Variants in PCSK2 observed in about 807,000 individuals in gnomAD.
PCSK2 encodes proprotein convertase subtilisin/kexin type 2.
A neutral mutation model predicts 69.7 loss-of-function variants in PCSK2; 14 were observed. That is an observed-to-expected ratio of 0.20 (90% CI 0.13 to 0.31). The LOEUF is 0.31. PCSK2 is among the 10% of genes least tolerant of loss of function. The pLI, the probability that PCSK2 is intolerant of heterozygous loss-of-function variation, is 1.00. For missense variants in PCSK2, 544 were observed against 842.5 expected, an observed-to-expected ratio of 0.65 and a Z score of 4.39; for synonymous variants, 307 against 320.7, an observed-to-expected ratio of 0.96 and a Z score of 0.46.
chr20:17,227,276 C>T lies in PCSK2; in HGVS notation c.-30C>T. The T allele has an allele frequency of 6.2e-7, 1 of 1,602,646 alleles. No homozygotes were observed. Among genetic ancestry groups the T allele is most frequent in the African/African-American group, 1.3e-5 (1 of 74,788 alleles). On this transcript the variant is annotated 5_prime_UTR_variant, in exon 1 of 12. Transcript: ENST00000262545. ...CCCTGCTCCGCCAGCCTGCGCGCCT[C>T]CTAGCACCACTTTTCACTCCCAAAG... is the stretch of plus-strand genomic sequence containing the variant.
chr20:17,287,676 G>A (rs1332913543), intron 2 of PCSK2, among the ~76,000 whole-genome samples: 2 of 152,190 alleles, frequency 1.3e-5, no homozygotes, highest in Non-Finnish European at 2.9e-5. Flanking sequence ...AGTCAGCAGT[G>A]CCATTAGCAA....
At chr20:17,410,138 A>C (rs999865440) in intron 6 of PCSK2, among the ~76,000 whole-genome samples, 1 of 149,924 alleles carries the variant, frequency 6.7e-6, no homozygotes, top group Non-Finnish European at 1.5e-5. Context: ...TTTTTTTTTT[A>C]TTTCTCATGG....
intron 5 of PCSK2, among the ~76,000 whole-genome samples, chr20:17,371,292 G>A (rs1253766266): frequency 6.6e-6 from 1 of 152,120 alleles, no homozygotes; most frequent in Non-Finnish European, 1.5e-5. Context: ...TGCCAGATTC[G>A]AAAAAGATAG....
At chr20:17,437,427 A>G (rs1233657105) in intron 8 of PCSK2, among the ~76,000 whole-genome samples, 1 of 152,124 alleles carries the variant, frequency 6.6e-6, no homozygotes, top group African/African-American at 2.4e-5. Context: ...AGAGCCTCCA[A>G]AGGGATGAGA....
intron 2 of PCSK2, among the ~76,000 whole-genome samples, chr20:17,341,643 C>T (rs1990512854): frequency 6.6e-6 from 1 of 152,184 alleles, no homozygotes; most frequent in Admixed American, 6.5e-5. Flanking sequence ...AGCAGATGGA[C>T]TATGAGTTCT....
At chr20:17,269,637 G>T (rs1987781485) in intron 2 of PCSK2, among the ~76,000 whole-genome samples, 1 of 152,130 alleles carries the variant, frequency 6.6e-6, no homozygotes, top group Non-Finnish European at 1.5e-5. Context: ...CTTTAAAGCA[G>T]CAGGAGGTCA....
chr20:17,293,269 A>C (rs757826118), intron 2 of PCSK2, among the ~76,000 whole-genome samples: 4 of 152,248 alleles, frequency 2.6e-5, no homozygotes, highest in Non-Finnish European at 5.9e-5. Flanking sequence ...AGAAACTCTC[A>C]TAAAGAATAA....
At chr20:17,310,894 C>G (rs555910412) in intron 2 of PCSK2, among the ~76,000 whole-genome samples, 242 of 151,016 alleles carry the variant, frequency 1.6e-3, no homozygotes, top group African/African-American at 5.2e-3. Flanking sequence ...TCCAGCTACT[C>G]TGGATGCTGA....
chr20:17,414,081 G>A (rs964258300), intron 6 of PCSK2, among the ~76,000 whole-genome samples: 23 of 151,528 alleles, frequency 1.5e-4, no homozygotes, highest in African/African-American at 5.3e-4. Flanking sequence ...GAGAAAGCAG[G>A]AAAGATCTAA....
At chr20:17,449,526 G>GTATATATATATA in intron 8 of PCSK2, among the ~76,000 whole-genome samples, 2,027 of 130,640 alleles carry the variant, frequency 0.016, 104 homozygotes, top group African/African-American at 0.057. Context: ...ATGTATGTAT[G>GTATATATATATA]TATATATATA....
intron 2 of PCSK2, among the ~76,000 whole-genome samples, chr20:17,340,850 A>G (rs1266038788): frequency 2.0e-5 from 3 of 152,216 alleles, no homozygotes; most frequent in East Asian, 3.8e-4. Flanking sequence ...CAAACCCAGA[A>G]TTCACCACCA....
chr20:17,337,803 C>T (rs1990397160), intron 2 of PCSK2, among the ~76,000 whole-genome samples: 1 of 151,480 alleles, frequency 6.6e-6, no homozygotes, highest in Non-Finnish European at 1.5e-5. Flanking sequence ...GTGGTGCATG[C>T]CTGTAGTCCC....
chr20:17,484,164 T>C lies in PCSK2; in HGVS notation c.*2094T>C, dbSNP rs917189242. 2.6e-5 allele frequency: 4 copies of C among 152,314 alleles called. No individual in the cohort carries two copies. The highest frequency in any genetic ancestry group is 5.9e-5 in the Non-Finnish European group (4 of 68,022). The allele number at this position is 152,314 out of a possible 1,614,324, so 9.4% of individuals were successfully genotyped here. Reference sequence around the variant, plus strand: ...ATTTTTCAGCTCTCTGTATAAACATTAAATGTCTTATATAGCAGCAAAAAT... The same window carrying C: ...ATTTTTCAGCTCTCTGTATAAACATCAAATGTCTTATATAGCAGCAAAAAT... On this transcript the variant is annotated 3_prime_UTR_variant, in exon 12 of 12. Coordinates refer to ENST00000262545, the MANE Select transcript of PCSK2 (RefSeq NM_002594.5).
At chr20:17,367,004 G>T (rs2123226247) in intron 4 of PCSK2, among the ~76,000 whole-genome samples, 1 of 151,928 alleles carries the variant, frequency 6.6e-6, no homozygotes, top group South Asian at 2.1e-4. Flanking sequence ...TTCTCTGGGT[G>T]TGTCTTTTTT....
Position 17,349,548 on chromosome 20 carries a change from C to A in PCSK2, c.283-8779C>A, listed in dbSNP as rs192649159. Among the ~76,000 whole-genome samples, 23 of 152,254 alleles carry A rather than the reference C, an allele frequency of 1.5e-4. No individual in the cohort carries two copies. In the East Asian group the frequency reaches 4.5e-3, roughly 29 times the overall value. ...GGAAGATAACAGTGACAAGGATGAC[C>A]AGGCCAGGGCCCAGAGGTAACTTCT... On this transcript the variant is annotated intron_variant, in intron 2 of 11. Coordinates refer to ENST00000262545, the MANE Select transcript of PCSK2 (RefSeq NM_002594.5).
rs530287883 is a variant in PCSK2, at chr20:17,403,761, G to A, written c.544-5502G>A. Among the ~76,000 whole-genome samples the A allele has an allele frequency of 3.9e-5, 6 of 152,298 alleles. No homozygotes were observed. The South Asian group carries it at 6.2e-4, about 16-fold the overall frequency. On this transcript the variant is annotated intron_variant, in intron 5 of 11. Transcript: ENST00000262545. ...TACATTGGCAGTTAATCATTACCAC[G>A]TTGTACTCGTGATCATAAACTCCTG...
At chr20:17,475,114 G>A (rs1443331649) in intron 11 of PCSK2, among the ~76,000 whole-genome samples, 4 of 151,542 alleles carry the variant, frequency 2.6e-5, no homozygotes, top group African/African-American at 9.7e-5. Context: ...AGCCAAGAAA[G>A]GATGTGGAAC....
rs1325913923 is a variant in PCSK2, at chr20:17,303,546, TGATATA to T, written c.282+43203_282+43208del. 1.4e-3 allele frequency among the ~76,000 whole-genome samples: 43 copies of T among 29,900 alleles called. No homozygotes were observed. In the East Asian group the frequency reaches 0.031, roughly 21 times the overall value. 19.6% of individuals were successfully genotyped at this position (29,900 alleles called of 152,430 possible). A position where few individuals can be genotyped will look rare whatever the true frequency, so the allele number is the denominator to read the frequency against. On this transcript the variant is annotated intron_variant, in intron 2 of 11. Coordinates refer to ENST00000262545, the MANE Select transcript of PCSK2 (RefSeq NM_002594.5). ...AATATATATTATATTATATATAATATGATATAATATATATTATATAATATATTAAAA... is the reference window on the plus strand; with the variant it reads ...AATATATATTATATTATATATAATATATATATATTATATAATATATTAAAA...
At chr20:17,438,781 T>C (rs557957586) in intron 8 of PCSK2, among the ~76,000 whole-genome samples, 1 of 152,346 alleles carries the variant, frequency 6.6e-6, no homozygotes, top group South Asian at 2.1e-4. Context: ...AGCCGATGAC[T>C]AAGGCAGGAG....
Sources: gnomAD v4.1 joint callset for allele counts (sites outside exome capture counted in the v4.1 genomes callset) on GRCh38, gnomAD v4.1.1 for gene constraint, MANE v1.5 for transcripts, NCBI Gene and HGNC (gene_info 2026-07-23, HGNC 2026-07-21) for gene names.